GRM7: variants seen among roughly 807,000 people sequenced by gnomAD.
GRM7 encodes the protein glutamate metabotropic receptor 7.
GRM7 carries 35 observed loss-of-function variants against 84.5 expected under a neutral mutation model. That is an observed-to-expected ratio of 0.41 (90% confidence interval 0.32 to 0.55). The LOEUF (loss-of-function observed/expected upper bound fraction) is 0.55, where lower values mean the gene tolerates loss of function less well. Ranked by LOEUF, GRM7 falls within the 20% of genes least tolerant of loss-of-function variation. The pLI, the probability that GRM7 is intolerant of heterozygous loss-of-function variation, is 0.19. For synonymous variants in GRM7, 487 were observed against 455.1 expected (o/e 1.07, Z -0.89); for missense variants, 1,003 against 1,194.6 (o/e 0.84, Z 2.36).
At chr3:7,609,978 T>A (rs3804874) in intron 8 of GRM7, among the ~76,000 whole-genome samples, 19,515 of 152,082 alleles carry the variant, frequency 0.13, 1,407 homozygotes, top group Admixed American at 0.17. Flanking sequence ...TTGCTGCTGG[T>A]TCTTGGTTGA....
intron 7 of GRM7, among the ~76,000 whole-genome samples, chr3:7,550,278 T>TCC (rs1181683484): frequency 1.5e-5 from 1 of 67,814 alleles, no homozygotes; most frequent in Admixed American, 1.8e-4. Flanking sequence ...AACCCCCTCC[T>TCC]CCCCCTCCTC....
chr3:7,319,618 A>C (rs1700701696), intron 4 of GRM7, among the ~76,000 whole-genome samples: 1 of 152,044 alleles, frequency 6.6e-6, no homozygotes. Flanking sequence ...ATGGCAAAAG[A>C]GTCTAGGACT....
At chr3:7,571,286 G>T (rs1217907891) in intron 7 of GRM7, among the ~76,000 whole-genome samples, 2 of 152,064 alleles carry the variant, frequency 1.3e-5, no homozygotes, top group African/African-American at 4.8e-5. Flanking sequence ...TTATTGCATT[G>T]CCAGGCTGCA....
At chr3:7,080,035 A>C (rs1035743079) in intron 1 of GRM7, among the ~76,000 whole-genome samples, 42 of 152,230 alleles carry the variant, frequency 2.8e-4, no homozygotes, top group Middle Eastern at 3.4e-3. Flanking sequence ...TGCTCAGTAC[A>C]GCCAACCTTT....
At chr3:7,608,065 T>C (rs968843916) in intron 8 of GRM7, 1 of 369,530 alleles carries the variant, frequency 2.7e-6, no homozygotes. Context: ...ACATGACTCA[T>C]GCTTTTTTAT....
chr3:7,414,260 C>T (rs1263676711), intron 4 of GRM7, among the ~76,000 whole-genome samples: 2 of 151,942 alleles, frequency 1.3e-5, no homozygotes, highest in African/African-American at 2.4e-5. Context: ...AAAGTTTTTC[C>T]ATTGCCACAA....
chr3:7,099,476 T>C (rs969494034), intron 1 of GRM7, among the ~76,000 whole-genome samples: 1 of 145,584 alleles, frequency 6.9e-6, no homozygotes, highest in African/African-American at 2.6e-5. Context: ...CATATACACA[T>C]ATATGTATAT....
At chr3:6,950,404 C>A (rs184073983) in intron 1 of GRM7, among the ~76,000 whole-genome samples, 91 of 152,320 alleles carry the variant, frequency 6.0e-4, no homozygotes, top group African/African-American at 2.0e-3. Flanking sequence ...GCTACCTGAT[C>A]GTTCCTCCGG....
chr3:6,988,952 AT>A (rs1299937343), intron 1 of GRM7, among the ~76,000 whole-genome samples: 2 of 152,180 alleles, frequency 1.3e-5, no homozygotes, highest in African/African-American at 4.8e-5. Flanking sequence ...TGTCAAAAAA[AT>A]AAATAAATAA....
chr3:7,386,653 A>G (rs1363183049), intron 4 of GRM7, among the ~76,000 whole-genome samples: 1 of 152,190 alleles, frequency 6.6e-6, no homozygotes, highest in East Asian at 1.9e-4. Flanking sequence ...TATGTACCAC[A>G]TCATCCAATT....
chr3:7,737,904 A>G (rs1326214330), intron 9 of GRM7, among the ~76,000 whole-genome samples: 3 of 149,462 alleles, frequency 2.0e-5, no homozygotes, highest in Non-Finnish European at 4.4e-5. Flanking sequence ...CTGGAGCGCA[A>G]TGGTGCAATC....
At chr3:7,672,078 C>T (rs73810881) in intron 8 of GRM7, among the ~76,000 whole-genome samples, 2,734 of 152,168 alleles carry the variant, frequency 0.018, 85 homozygotes, top group African/African-American at 0.063. Context: ...CCCTCCCCTG[C>T]CCCGGGGGGA....
At chr3:7,120,803 C>A (rs909363926) in intron 1 of GRM7, among the ~76,000 whole-genome samples, 2 of 152,074 alleles carry the variant, frequency 1.3e-5, no homozygotes, top group East Asian at 3.9e-4. Flanking sequence ...TACACATAGA[C>A]CATAACAAGT....
At chr3:7,553,181 T>A (rs1278551790) in intron 7 of GRM7, among the ~76,000 whole-genome samples, 1 of 152,208 alleles carries the variant, frequency 6.6e-6, no homozygotes, top group Non-Finnish European at 1.5e-5. Flanking sequence ...ATGCTCCCAG[T>A]CTCTTTGCTA....
At chr3:7,512,907 TA>T (rs1454651998) in intron 7 of GRM7, among the ~76,000 whole-genome samples, 3 of 152,110 alleles carry the variant, frequency 2.0e-5, no homozygotes, top group Non-Finnish European at 4.4e-5. Flanking sequence ...TGCCAGGTTT[TA>T]AAAATTCATC....
intron 2 of GRM7, among the ~76,000 whole-genome samples, chr3:7,180,273 C>A (rs1033067754): frequency 3.3e-5 from 5 of 152,076 alleles, no homozygotes; most frequent in Admixed American, 6.6e-5. Context: ...AAAATTTTGG[C>A]CAGGATTGAT....
intron 2 of GRM7, among the ~76,000 whole-genome samples, chr3:7,183,042 G>T (rs987820756): frequency 4.0e-5 from 6 of 151,608 alleles, no homozygotes; most frequent in African/African-American, 1.5e-4. Context: ...AAACACGCTG[G>T]GCATCAAAAT....
chr3:7,102,342 A>G (rs1372461699), intron 1 of GRM7, among the ~76,000 whole-genome samples: 1 of 151,698 alleles, frequency 6.6e-6, no homozygotes, highest in Non-Finnish European at 1.5e-5. Flanking sequence ...CATTAACAAC[A>G]TTGTTCTATT....
At chr3:6,906,025 T>G (rs185059010) in intron 1 of GRM7, among the ~76,000 whole-genome samples, 22 of 152,340 alleles carry the variant, frequency 1.4e-4, no homozygotes, top group African/African-American at 5.3e-4. Context: ...TTATTTGGCT[T>G]AAGATAGCAA....
Sources: gnomAD v4.1 joint callset for allele counts (sites outside exome capture counted in the v4.1 genomes callset) on GRCh38, gnomAD v4.1.1 for gene constraint, MANE v1.5 for transcripts, NCBI Gene and HGNC (gene_info 2026-07-23, HGNC 2026-07-21) for gene names.